LGR4: variants seen among roughly 807,000 people sequenced by gnomAD.
LGR4 encodes the protein leucine-rich repeat-containing G protein-coupled receptor 4.
LGR4 carries 44 observed loss-of-function variants against 84.8 expected under a neutral mutation model. That is an observed-to-expected ratio of 0.52 (90% CI 0.41 to 0.67). LGR4 has a LOEUF of 0.67. Among genes scored for constraint, LGR4 ranks in the 30% least tolerant of loss-of-function variants. The probability of loss-of-function intolerance (pLI) is 0.00; values close to 1 mark genes in which losing one functional copy is unlikely to be tolerated. For missense variants in LGR4, 1,032 were observed against 1,131.4 expected (o/e 0.91, Z 1.26); for synonymous variants, 429 against 434.3 (o/e 0.99, Z 0.15).
In LGR4 at chr11:27,380,714, G is replaced by A. The variant is rs746617720; in HGVS notation, c.831-3C>T. On this transcript the variant is annotated splice_region_variant and splice_polypyrimidine_tract_variant and intron_variant, in intron 8 of 17. Transcript: ENST00000379214. ...ACAGAGGATTATCATACAAATGTCTGTGAAAATATCCAAAAAAAGTAAAAT... is the reference window on the plus strand; with the variant it reads ...ACAGAGGATTATCATACAAATGTCTATGAAAATATCCAAAAAAAGTAAAAT... 2.5e-6 allele frequency: 4 copies of A among 1,591,764 alleles called. No homozygotes were observed.
intron 2 of LGR4, among the ~76,000 whole-genome samples, chr11:27,400,083 A>G (rs1038468598): frequency 6.6e-6 from 1 of 152,308 alleles, no homozygotes; most frequent in East Asian, 1.9e-4. Context: ...GAAATCTGAA[A>G]TGCTCCAAAA....
At chr11:27,448,570 G>A (rs148447658) in intron 1 of LGR4, among the ~76,000 whole-genome samples, 1,781 of 152,230 alleles carry the variant, frequency 0.012, 16 homozygotes, top group Middle Eastern at 0.027. Context: ...AGGATTACAG[G>A]CGTGAGCCAC....
At chr11:27,424,854 T>G (rs1368493536) in intron 1 of LGR4, among the ~76,000 whole-genome samples, 1 of 152,084 alleles carries the variant, frequency 6.6e-6, no homozygotes, top group Non-Finnish European at 1.5e-5. Context: ...TTCAGGCAAT[T>G]CTCCTCCTTC....
chr11:27,466,643 T>C (rs1488786447), intron 1 of LGR4, among the ~76,000 whole-genome samples: 1 of 152,196 alleles, frequency 6.6e-6, no homozygotes, highest in African/African-American at 2.4e-5. Flanking sequence ...ACAATCCTAA[T>C]GTTAAGAGCC....
intron 1 of LGR4, among the ~76,000 whole-genome samples, chr11:27,420,912 C>T (rs550632546): frequency 6.6e-6 from 1 of 152,068 alleles, no homozygotes; most frequent in African/African-American, 2.4e-5. Flanking sequence ...AAAGATAAGA[C>T]CACCAAGGAA....
chr11:27,373,934 G>C (rs962849949), intron 14 of LGR4, 41 bp downstream of exon 14: 1 of 1,346,202 alleles, frequency 7.4e-7, no homozygotes, highest in African/African-American at 1.4e-5. Flanking sequence ...TATAGCACTA[G>C]TTACTACTTT....
intron 1 of LGR4, among the ~76,000 whole-genome samples, chr11:27,444,685 T>C (rs746269683): frequency 6.6e-6 from 1 of 152,242 alleles, no homozygotes; most frequent in African/African-American, 2.4e-5. Context: ...AAAATATCCA[T>C]AGCCTAATTA....
At chr11:27,399,511 ACTT>A (rs1252517070) in intron 2 of LGR4, among the ~76,000 whole-genome samples, 2 of 149,774 alleles carry the variant, frequency 1.3e-5, no homozygotes, top group Non-Finnish European at 3.0e-5. Flanking sequence ...TTTGGCAACT[ACTT>A]TTTTTTTTTT....
At chr11:27,369,768 A>AT (rs1221508325) in intron 17 of LGR4, among the ~76,000 whole-genome samples, 1 of 152,192 alleles carries the variant, frequency 6.6e-6, no homozygotes, top group Non-Finnish European at 1.5e-5. Flanking sequence ...ATCTACACAT[A>AT]TTTTTTATAT....
At chr11:27,408,777 T>C (rs1248034927) in intron 2 of LGR4, among the ~76,000 whole-genome samples, 4 of 152,158 alleles carry the variant, frequency 2.6e-5, no homozygotes, top group African/African-American at 9.7e-5. Context: ...AAGACTGCAA[T>C]GTTTAAGATG....
intron 2 of LGR4, among the ~76,000 whole-genome samples, chr11:27,395,437 T>C (rs1312707795): frequency 6.6e-6 from 1 of 151,592 alleles, no homozygotes; most frequent in Non-Finnish European, 1.5e-5. Context: ...CAGAAAAGAG[T>C]GTTTGACCAC....
At chr11:27,459,747 T>C (rs1400738023) in intron 1 of LGR4, among the ~76,000 whole-genome samples, 1 of 148,536 alleles carries the variant, frequency 6.7e-6, no homozygotes, top group African/African-American at 2.5e-5. Flanking sequence ...AGTGCTGCAA[T>C]TACAGGCATG....
chr11:27,398,314 G>A (rs775542553), intron 2 of LGR4, among the ~76,000 whole-genome samples: 116 of 152,178 alleles, frequency 7.6e-4, no homozygotes, highest in Non-Finnish European at 9.4e-4. Context: ...GAAATGCACT[G>A]AGCGACACTA....
intron 1 of LGR4, among the ~76,000 whole-genome samples, chr11:27,469,529 T>A (rs1590419351): frequency 6.6e-6 from 1 of 152,222 alleles, no homozygotes; most frequent in East Asian, 1.9e-4. Context: ...CACTGCCCTG[T>A]CAGTCCCAGG....
intron 1 of LGR4, among the ~76,000 whole-genome samples, chr11:27,436,606 T>C (rs2133427243): frequency 6.6e-6 from 1 of 152,318 alleles, no homozygotes; most frequent in East Asian, 1.9e-4. Flanking sequence ...CCATATTTTT[T>C]TATCATGTAT....
Position 27,368,543 on chromosome 11 carries a change from T to C in LGR4, c.2180A>G (p.Lys727Arg), listed in dbSNP as rs769460322. 6.2e-7 allele frequency: 1 copy of C among 1,613,946 alleles called. No individual in the cohort carries two copies. The highest frequency in any genetic ancestry group is 8.5e-7 in the Non-Finnish European group (1 of 1,179,830). Residue 727 changes from lysine (K) to arginine (R), a missense_variant, in exon 18 of 18, where the codon AAA becomes AGA. Coordinates refer to ENST00000379214, the MANE Select transcript of LGR4 (RefSeq NM_018490.5). ...AFLLMAVIYT[K>R]LYCNLEKEDL... ...CTCTTTTTCCAAGTTGCAGTATAGT[T>C]TAGTGTAGATAACGGCCATTAATAA...
intron 1 of LGR4, among the ~76,000 whole-genome samples, chr11:27,422,045 T>C (rs998791238): frequency 1.3e-5 from 2 of 152,230 alleles, no homozygotes; most frequent in African/African-American, 2.4e-5. Flanking sequence ...TGTCAACAGC[T>C]GTTCTGGTAA....
intron 2 of LGR4, among the ~76,000 whole-genome samples, chr11:27,401,616 C>T (rs1361761042): frequency 2.6e-5 from 4 of 152,162 alleles, no homozygotes; most frequent in African/African-American, 7.2e-5. Context: ...ATTGAGTTTT[C>T]CCAGGACATT....
intron 1 of LGR4, among the ~76,000 whole-genome samples, chr11:27,451,510 T>C (rs988513344): frequency 1.5e-4 from 23 of 152,218 alleles, no homozygotes; most frequent in African/African-American, 2.4e-5. Context: ...GCATGCTAAA[T>C]CACATCACTG....
Sources: gnomAD v4.1 joint callset for allele counts (sites outside exome capture counted in the v4.1 genomes callset) on GRCh38, gnomAD v4.1.1 for gene constraint, MANE v1.5 for transcripts, NCBI Gene and HGNC (gene_info 2026-07-23, HGNC 2026-07-21) for gene names.